Variants in SYNE1 observed in about 807,000 individuals in gnomAD.
SYNE1 encodes spectrin repeat containing nuclear envelope protein 1.
A neutral mutation model predicts 1,111.0 loss-of-function variants in SYNE1; 616 were observed. The observed-to-expected ratio is 0.55, with a 90% CI of 0.52 to 0.59. The LOEUF is 0.59. Ranked by LOEUF, SYNE1 falls within the 20% of genes least tolerant of loss-of-function variation. SYNE1 has a pLI of 0.00. For synonymous variants in SYNE1, 3,855 were observed against 3,825.8 expected (o/e 1.01, Z -0.28); for missense variants, 10,006 against 10,417.0 (o/e 0.96, Z 1.72).
intron 74 of SYNE1, among the ~76,000 whole-genome samples, chr6:152,341,900 C>T (rs2096541629): frequency 6.6e-6 from 1 of 152,074 alleles, no homozygotes; most frequent in African/African-American, 2.4e-5. Flanking sequence ...GTTTCAGTTT[C>T]TAAGACCTAC....
chr6:152,471,312 A>C (rs1054504698), intron 16 of SYNE1, among the ~76,000 whole-genome samples: 3 of 152,186 alleles, frequency 2.0e-5, no homozygotes. Flanking sequence ...CAATACAAAA[A>C]CTTTTTTTAA....
chr6:152,139,912 T>C, intron 140 of SYNE1, 38 bp downstream of exon 140: 1 of 1,577,684 alleles, frequency 6.3e-7, no homozygotes, highest in Non-Finnish European at 8.6e-7. Context: ...GCGGTGGCTC[T>C]CTGTTTGTCC....
chr6:152,465,813 A>T (rs773870957), intron 17 of SYNE1, among the ~76,000 whole-genome samples, 169 bp downstream of exon 17: 1 of 150,250 alleles, frequency 6.7e-6, no homozygotes, highest in Non-Finnish European at 1.5e-5. Context: ...TATGCAGGTT[A>T]GGCATTGTAC....
At chr6:152,420,638 G>A (rs1446060318) in intron 39 of SYNE1, among the ~76,000 whole-genome samples, 1 of 151,996 alleles carries the variant, frequency 6.6e-6, no homozygotes, top group Non-Finnish European at 1.5e-5. Flanking sequence ...AAACTTCCAG[G>A]ACTCTAATTA....
rs532645657 is a variant in SYNE1 at position 152,451,997 on chromosome 6, G to A, written c.3028-792C>T. 4.2e-4 allele frequency among the ~76,000 whole-genome samples: 63 copies of A among 148,876 alleles called. 1 individual carries two copies. In the South Asian group the frequency reaches 0.013, roughly 31 times the overall value. On this transcript the variant is annotated intron_variant, in intron 25 of 145. Transcript: ENST00000367255. Reference sequence around the variant, plus strand: ...GAGGAAAGCTTATTACTGAAAAAAAGTTTTAAAAAGAAAAGAAAAAAAAAA... The same window carrying A: ...GAGGAAAGCTTATTACTGAAAAAAAATTTTAAAAAGAAAAGAAAAAAAAAA...
chr6:152,622,988 T>G (rs1918331), intron 3 of SYNE1, among the ~76,000 whole-genome samples: 116,791 of 151,994 alleles, frequency 0.77, 45,343 homozygotes, highest in African/African-American at 0.89. Context: ...TTTTGGCTTT[T>G]ATTGGCATGT....
chr6:152,186,705 A>G (rs901616726), intron 128 of SYNE1, among the ~76,000 whole-genome samples: 7 of 152,002 alleles, frequency 4.6e-5, no homozygotes. Flanking sequence ...ACAGGATCCA[A>G]TCTCTAAAAT....
rs1588115944 is a variant in SYNE1, at chr6:152,220,822, A to T, written c.21861+20T>A. 1.2e-6 allele frequency: 2 copies of T among 1,611,068 alleles called. No homozygotes were observed. Among genetic ancestry groups the T allele is most frequent in the Non-Finnish European group, 1.7e-6 (2 of 1,178,330 alleles). On this transcript the variant is annotated intron_variant, in intron 119 of 145. Transcript: ENST00000367255. ...TCTAAGAAGGGCATGTGGGGAAAAC[A>T]AGGTAGCTCCTGAACATACGTTGCA...
chr6:152,542,895 A>T (rs567345518), intron 3 of SYNE1, among the ~76,000 whole-genome samples: 2 of 152,124 alleles, frequency 1.3e-5, no homozygotes, highest in Non-Finnish European at 2.9e-5. Context: ...AAATAGACAC[A>T]GTTAGATTAT....
chr6:152,350,565 G>A, intron 71 of SYNE1, 53 bp downstream of exon 71: 1 of 1,611,628 alleles, frequency 6.2e-7, no homozygotes, highest in Non-Finnish European at 8.5e-7. Context: ...AAGGAGTCAG[G>A]GCCCACATTT....
At chr6:152,516,419 C>CT (rs1428940765) in intron 6 of SYNE1, among the ~76,000 whole-genome samples, 1 of 152,110 alleles carries the variant, frequency 6.6e-6, no homozygotes, top group Non-Finnish European at 1.5e-5. Flanking sequence ...TAAACAATGC[C>CT]TTTCATAGGT....
chr6:152,192,189 T>A (rs893781926), intron 127 of SYNE1, among the ~76,000 whole-genome samples: 3 of 152,248 alleles, frequency 2.0e-5, no homozygotes, highest in Admixed American at 6.5e-5. Flanking sequence ...TTGAGAATGA[T>A]CCATATGCTG....
intron 4 of SYNE1, among the ~76,000 whole-genome samples, chr6:152,532,575 G>A (rs1295758797): frequency 2.0e-5 from 3 of 152,106 alleles, no homozygotes; most frequent in African/African-American, 7.2e-5. Flanking sequence ...GCACAGTCAG[G>A]GTTGCTGAAC....
chr6:152,477,654 A>C (rs148039197), intron 14 of SYNE1, among the ~76,000 whole-genome samples: 132 of 112,674 alleles, frequency 1.2e-3, no homozygotes, highest in African/African-American at 5.8e-3. Flanking sequence ...GCCTCCTCTC[A>C]CTAGAAGGTA....
chr6:152,416,996 T>C lies in SYNE1; in HGVS notation c.5441A>G (p.Glu1814Gly), dbSNP rs557081125. Residue 1814 changes from glutamate to glycine, a missense_variant, in exon 41 of 146, where the codon GAG becomes GGG. Physicochemically the swap from Glu to Gly is moderately conservative, Grantham distance 98. Coordinates refer to ENST00000367255, the MANE Select transcript of SYNE1 (RefSeq NM_182961.4). ...TRHKDHAAEV[E>G]SKKGELQSLQ... is the part of the protein sequence containing the mutation. ...ACTCTGCAATTCGCCCTTTTTGCTC[T>C]CTACTTCTGCTGCGTGGTCCTGGAA... 8.5e-5 allele frequency: 137 copies of C among 1,614,206 alleles called. No individual in the cohort carries two copies. Among genetic ancestry groups the C allele is most frequent in the Middle Eastern group, 6.6e-4 (4 of 6,062 alleles).
chr6:152,607,117 T>C (rs979109011), intron 3 of SYNE1, among the ~76,000 whole-genome samples: 69 of 149,596 alleles, frequency 4.6e-4, no homozygotes, highest in Non-Finnish European at 5.0e-4. Flanking sequence ...CCCCAGTAGG[T>C]GGGACTACAG....
At chr6:152,453,381 G>T in intron 25 of SYNE1, 1 of 711,848 alleles carries the variant, frequency 1.4e-6, no homozygotes, top group African/African-American at 1.8e-5. Flanking sequence ...GGATAAAATT[G>T]ATGCTGATAA....
At chr6:152,433,596 G>A in intron 34 of SYNE1, 199 bp downstream of exon 34, 3 of 598,616 alleles carry the variant, frequency 5.0e-6, no homozygotes, top group Middle Eastern at 8.8e-4. Context: ...GTCAGACAAT[G>A]TGAATACATA....
intron 106 of SYNE1, 32 bp downstream of exon 106, chr6:152,244,505 T>G: frequency 6.2e-7 from 1 of 1,613,780 alleles, no homozygotes; most frequent in Admixed American, 1.7e-5. Flanking sequence ...GATGTACCCC[T>G]GCAGCTGAAT....
Sources: allele counts gnomAD v4.1 joint callset (sites outside exome capture counted in the v4.1 genomes callset), GRCh38; gene constraint gnomAD v4.1.1; transcripts MANE v1.5; gene names NCBI Gene and HGNC (gene_info 2026-07-23, HGNC 2026-07-21).